KCNQ5: variants seen among roughly 807,000 people sequenced by gnomAD.
The protein encoded by KCNQ5 is potassium voltage-gated channel subfamily Q member 5, also known as potassium voltage-gated channel subfamily KQT member 5.
In KCNQ5, 30 loss-of-function variants were observed where a neutral mutation model predicts 98.2. The ratio of observed to expected loss-of-function variants is 0.31; its 90% CI spans 0.23 to 0.41. The LOEUF is 0.41. KCNQ5 is among the 10% of genes least tolerant of loss of function. The pLI, the probability that KCNQ5 is intolerant of heterozygous loss-of-function variation, is 1.00. For missense variants in KCNQ5, 835 were observed against 1,182.5 expected (o/e 0.71, Z 4.31); for synonymous variants, 458 against 449.4 (o/e 1.02, Z -0.24).
intron 1 of KCNQ5, among the ~76,000 whole-genome samples, chr6:72,894,471 T>G (rs965231446): frequency 1.3e-5 from 2 of 152,154 alleles, no homozygotes; most frequent in Non-Finnish European, 2.9e-5. Flanking sequence ...ATATGCAAAT[T>G]TTTCCAAGAG....
At chr6:73,144,604 T>C (rs1057276910) in intron 10 of KCNQ5, among the ~76,000 whole-genome samples, 1 of 152,234 alleles carries the variant, frequency 6.6e-6, no homozygotes, top group African/African-American at 2.4e-5. Context: ...TGTTATCTGT[T>C]GCATAGCTAA....
intron 1 of KCNQ5, among the ~76,000 whole-genome samples, chr6:72,812,208 A>C (rs753988585): frequency 6.6e-6 from 1 of 152,072 alleles, no homozygotes; most frequent in African/African-American, 2.4e-5. Flanking sequence ...CAGGGTCTTT[A>C]TGACCTGTAT....
At chr6:72,626,169 C>A (rs1253937953) in intron 1 of KCNQ5, among the ~76,000 whole-genome samples, 1 of 152,140 alleles carries the variant, frequency 6.6e-6, no homozygotes, top group Admixed American at 6.5e-5. Flanking sequence ...AAGTGTGAAA[C>A]AATGTTATTG....
chr6:72,691,355 G>A (rs1013848839), intron 1 of KCNQ5, among the ~76,000 whole-genome samples: 4 of 152,214 alleles, frequency 2.6e-5, no homozygotes, highest in African/African-American at 9.6e-5. Context: ...TAATTCAAAT[G>A]AAAGAGGGTC....
At chr6:72,952,193 G>C (rs1766838645) in intron 1 of KCNQ5, among the ~76,000 whole-genome samples, 1 of 152,182 alleles carries the variant, frequency 6.6e-6, no homozygotes, top group African/African-American at 2.4e-5. Context: ...CAACTTCAAA[G>C]TTTGACTTCA....
chr6:72,866,192 T>C (rs901738652), intron 1 of KCNQ5, among the ~76,000 whole-genome samples: 13 of 151,930 alleles, frequency 8.6e-5, no homozygotes, highest in African/African-American at 7.3e-5. Context: ...TGTTTGCAAC[T>C]TTATTATGTC....
intron 1 of KCNQ5, among the ~76,000 whole-genome samples, chr6:72,947,409 A>G (rs1562086523): frequency 6.6e-6 from 1 of 152,136 alleles, no homozygotes; most frequent in Non-Finnish European, 1.5e-5. Flanking sequence ...GATAAACATA[A>G]CGGAGATACA....
At chr6:73,146,980 T>C (rs961973527) in intron 10 of KCNQ5, among the ~76,000 whole-genome samples, 5 of 152,234 alleles carry the variant, frequency 3.3e-5, no homozygotes, top group Non-Finnish European at 5.9e-5. Context: ...GGGATACTAA[T>C]AGTGCTATGA....
At chr6:73,124,927 T>C (rs939361864) in intron 9 of KCNQ5, among the ~76,000 whole-genome samples, 1 of 128,124 alleles carries the variant, frequency 7.8e-6, no homozygotes, top group African/African-American at 2.7e-5. Context: ...AGGGTCCTTC[T>C]TTTGGAGTGA....
intron 1 of KCNQ5, among the ~76,000 whole-genome samples, chr6:72,891,667 C>T (rs1779063171): frequency 6.6e-6 from 1 of 152,184 alleles, no homozygotes. Context: ...TGTTAGAATT[C>T]AGTGCCACCT....
At chr6:72,931,475 G>T (rs774032358) in intron 1 of KCNQ5, among the ~76,000 whole-genome samples, 3 of 152,046 alleles carry the variant, frequency 2.0e-5, no homozygotes, top group Admixed American at 6.6e-5. Context: ...ATATAAAGAG[G>T]TCTTTTAAAG....
chr6:73,111,951 A>C (rs2150427959), intron 7 of KCNQ5, among the ~76,000 whole-genome samples: 1 of 152,328 alleles, frequency 6.6e-6, no homozygotes, highest in South Asian at 2.1e-4. Flanking sequence ...GTGTTTGAGA[A>C]TATTAAACAA....
chr6:72,693,927 T>C (rs747351761), intron 1 of KCNQ5, among the ~76,000 whole-genome samples: 1 of 152,202 alleles, frequency 6.6e-6, no homozygotes, highest in Non-Finnish European at 1.5e-5. Flanking sequence ...TCTGAAGGTG[T>C]CAGAATCCCA....
chr6:72,994,187 C>T (rs1296508045), intron 1 of KCNQ5, among the ~76,000 whole-genome samples: 1 of 85,024 alleles, frequency 1.2e-5, no homozygotes, highest in African/African-American at 6.2e-5. Context: ...GTGGGCTCCA[C>T]CCAGTTCGAG....
chr6:73,091,076 T>C (rs1774225477), intron 5 of KCNQ5, among the ~76,000 whole-genome samples: 1 of 152,202 alleles, frequency 6.6e-6, no homozygotes, highest in African/African-American at 2.4e-5. Context: ...CCAACCCAAA[T>C]GCCCATCAAT....
intron 1 of KCNQ5, among the ~76,000 whole-genome samples, chr6:72,988,097 T>C (rs926968776): frequency 3.3e-5 from 5 of 152,194 alleles, no homozygotes; most frequent in African/African-American, 1.2e-4. Flanking sequence ...AACCTCCTGT[T>C]TTCTGTGTTA....
chr6:73,165,724 C>T (rs967764908), intron 10 of KCNQ5, among the ~76,000 whole-genome samples: 5 of 152,012 alleles, frequency 3.3e-5, no homozygotes, highest in Non-Finnish European at 7.4e-5. Flanking sequence ...GTGGGCAGAT[C>T]ACCTGAGGTC....
chr6:73,018,568 C>T (rs1770454891), intron 2 of KCNQ5, among the ~76,000 whole-genome samples: 1 of 151,966 alleles, frequency 6.6e-6, no homozygotes, highest in Non-Finnish European at 1.5e-5. Context: ...TCACTAAGGA[C>T]CTACCAGGTA....
At chr6:72,718,740 C>T (rs1769794802) in intron 1 of KCNQ5, among the ~76,000 whole-genome samples, 1 of 152,128 alleles carries the variant, frequency 6.6e-6, no homozygotes, top group South Asian at 2.1e-4. Flanking sequence ...TGAGCCACCG[C>T]ACCCAGCCTC....
Sources: gnomAD v4.1 joint callset for allele counts (sites outside exome capture counted in the v4.1 genomes callset) on GRCh38, gnomAD v4.1.1 for gene constraint, MANE v1.5 for transcripts, NCBI Gene and HGNC (gene_info 2026-07-23, HGNC 2026-07-21) for gene names.